HK3: variants seen among roughly 807,000 people sequenced by gnomAD.
HK3 encodes hexokinase-3.
Under a neutral mutation model 91.0 loss-of-function variants are expected in HK3, and 93 were observed. The ratio of observed to expected loss-of-function variants is 1.02; its 90% confidence interval spans 0.86 to 1.21. The LOEUF (loss-of-function observed/expected upper bound fraction) is 1.21. HK3 is among the 50% of genes most tolerant of loss of function. The pLI is 0.00. For missense variants in HK3, 1,235 were observed against 1,247.4 expected (o/e 0.99, Z 0.15); for synonymous variants, 519 against 516.9 (o/e 1.00, Z -0.06).
intron 1 of HK3, among the ~76,000 whole-genome samples, chr5:176,897,249 C>T (rs1758929710): frequency 6.6e-6 from 1 of 152,172 alleles, no homozygotes; most frequent in Non-Finnish European, 1.5e-5. Flanking sequence ...TGGTCCTTTG[C>T]ACACTGTAAG....
chr5:176,882,277 C>T, intron 15 of HK3, 150 bp from the exon 16 acceptor site: 1 of 818,498 alleles, frequency 1.2e-6, no homozygotes. Flanking sequence ...CTTCTTCCTT[C>T]CCGACATCCC....
At chr5:176,883,040 C>T (rs1172867816) in intron 15 of HK3, among the ~76,000 whole-genome samples, 1 of 152,220 alleles carries the variant, frequency 6.6e-6, no homozygotes, top group Non-Finnish European at 1.5e-5. Context: ...TCAGGGCTTT[C>T]AAGTTCCACT....
At chr5:176,886,158 G>A (rs1758579018) in intron 13 of HK3, among the ~76,000 whole-genome samples, 1 of 152,002 alleles carries the variant, frequency 6.6e-6, no homozygotes, top group East Asian at 2.0e-4. Context: ...GAACACAGGA[G>A]GTGGAGGCTG....
At position 176,884,091 on chromosome 5, in the gene HK3, CA is replaced by C; in HGVS notation, c.1900del (p.Cys634AlafsTer7). On this transcript the variant is annotated frameshift_variant, in exon 14 of 19. Transcript: ENST00000292432. LOFTEE classifies it high-confidence loss of function. The surrounding 1 kb of genome is among the most constrained non-coding windows in gnomAD (Gnocchi z 4.1). ...NWTKGFKASDCEGQDVVSLLR... is the reference protein window; with the variant it reads ...NWTKGFKASDXEGQDVVSLLR... ...CAGACTCACGACATCTTGGCCCTCG[CA>C]GTCTGATGCCTTGAAACCCTTGGTC... 6.2e-7 allele frequency: 1 copy of C among 1,614,166 alleles called. No individual in the cohort carries two copies. The highest frequency in any genetic ancestry group is 1.1e-5 in the South Asian group (1 of 91,084).
In HK3 at chr5:176,891,145, T is replaced by C. The variant is rs1758761003; in HGVS notation, c.306A>G (p.Ser102=). The C allele has an allele frequency of 1.2e-6, 2 of 1,614,034 alleles. No homozygotes were observed. The highest frequency in any genetic ancestry group is 1.7e-6 in the Non-Finnish European group (2 of 1,180,048). Residue 102 remains serine (S), a synonymous_variant, in exon 4 of 19, where the codon TCA becomes TCG. Transcript: ENST00000292432. ...VVLELGATGA[S]LRVLWVTLTG... is the part of the protein sequence containing the mutation. ...TTAGAGTCACCCACAAAACACGCAGTGAGGCCCCTGTGGCCCCCAGCTCCA... is the reference window on the plus strand; with the variant it reads ...TTAGAGTCACCCACAAAACACGCAGCGAGGCCCCTGTGGCCCCCAGCTCCA...
Position 176,890,894 on chromosome 5 carries a change from C to G in HK3, c.462G>C (p.Gln154His). Reference protein sequence around the residue: ...AHCLSEFLDAQPVNKQGLQLG... With the variant: ...AHCLSEFLDAHPVNKQGLQLG... The stretch of plus-strand genomic sequence containing the variant: ...GCTGCAGACCCTGTTTGTTCACAGG[C>G]TGCGCATCCAGGAACTCAGACAGGC... Residue 154 changes from glutamine (Q) to histidine (H), a missense_variant, in exon 5 of 19, where the codon CAG becomes CAC. By Grantham distance (24) the Gln-to-His change is conservative. Around this residue, in one of 3 missense-constraint regions of HK3, gnomAD observed 717 missense variants for 751.6 expected, o/e 0.95. Coordinates refer to ENST00000292432, the MANE Select transcript of HK3 (RefSeq NM_002115.3). The G allele has an allele frequency of 1.9e-6, 3 of 1,614,056 alleles. No homozygotes were observed. Among genetic ancestry groups the G allele is most frequent in the Non-Finnish European group, 2.5e-6 (3 of 1,180,038 alleles).
chr5:176,895,733 CTG>C (rs1189788609), intron 2 of HK3, among the ~76,000 whole-genome samples: 6 of 152,194 alleles, frequency 3.9e-5, no homozygotes, highest in Admixed American at 2.0e-4. Flanking sequence ...CCACTCTAGA[CTG>C]TGTCACCCAC....
At position 176,881,125 on chromosome 5, in the gene HK3, G is replaced by A. The variant is rs749424706; in HGVS notation, c.2720C>T (p.Ala907Val). ...GCAGGCAACAGCGGTGACCAGGGCCGCACCTTTGCCGGACCCATCCTCTGA... is the reference window on the plus strand; with the variant it reads ...GCAGGCAACAGCGGTGACCAGGGCCACACCTTTGCCGGACCCATCCTCTGA... ...LQSEDGSGKGAALVTAVACRL... is the reference protein window; with the variant it reads ...LQSEDGSGKGVALVTAVACRL... Residue 907 changes from alanine (A) to valine (V), a missense_variant, in exon 19 of 19, where the codon GCG (alanine) becomes GTG (valine). Coordinates refer to ENST00000292432, the MANE Select transcript of HK3 (RefSeq NM_002115.3). The A allele has an allele frequency of 5.6e-6, 9 of 1,612,792 alleles. No homozygotes were observed. The highest frequency in any genetic ancestry group is 7.6e-6 in the Non-Finnish European group (9 of 1,179,842).
At position 176,890,607 on chromosome 5, in the gene HK3, C is replaced by T; in HGVS notation, c.630+28G>A. ...GCCAGGCCCAGGCCAACATGGGCAG[C>T]CCTCCTGTCACCCCTCCCTCCACTC... On this transcript the variant is annotated intron_variant, in intron 6 of 18. Coordinates refer to ENST00000292432, the MANE Select transcript of HK3 (RefSeq NM_002115.3). The T allele has an allele frequency of 1.9e-6, 3 of 1,600,612 alleles. 1 individual carries two copies. The highest frequency in any genetic ancestry group is 2.2e-5 in the South Asian group (2 of 90,768).
In HK3 at chr5:176,886,232, C is replaced by CA. The variant is rs796751043; in HGVS notation, c.1857+769dup. 2.7e-4 allele frequency among the ~76,000 whole-genome samples: 38 copies of CA among 140,426 alleles called. No individual in the cohort carries two copies. In the South Asian group the frequency reaches 2.7e-3, roughly 10 times the overall value. 92.1% of individuals were successfully genotyped at this position (140,426 alleles called of 152,430 possible). On this transcript the variant is annotated intron_variant, in intron 13 of 18. Transcript: ENST00000292432. ...TGGGCGACAGAGTGAGACTTCATCTCAAAAAAAAAAATGAGTTGCATATCA... is the reference window on the plus strand; with the variant it reads ...TGGGCGACAGAGTGAGACTTCATCTCAAAAAAAAAAAATGAGTTGCATATCA...
intron 2 of HK3, among the ~76,000 whole-genome samples, chr5:176,893,202 G>A (rs1758821867): frequency 6.6e-6 from 1 of 152,146 alleles, no homozygotes; most frequent in African/African-American, 2.4e-5. Flanking sequence ...CCAAGCAGCT[G>A]TGAAGGGGCA....
rs779019958 is a variant in HK3 at position 176,891,108 on chromosome 5, C to T, written c.343G>A (p.Gly115Arg). 6.2e-6 allele frequency: 10 copies of T among 1,614,132 alleles called. No homozygotes were observed. In the East Asian group the frequency reaches 6.7e-5, roughly 11 times the overall value. Residue 115 changes from glycine (G) to arginine (R), a missense_variant, in exon 4 of 19, where the codon GGG (glycine) becomes AGG (arginine). Coordinates refer to ENST00000292432, the MANE Select transcript of HK3 (RefSeq NM_002115.3). ...VLWVTLTGIE[G>R]HRVEPRSQEF... ...TGGCTTCTGGGCTCCACCCTATGCC[C>T]CTCAATGCCAGTTAGAGTCACCCAC... is the stretch of plus-strand genomic sequence containing the variant.
rs1252403668 is a variant in HK3 at position 176,884,359 on chromosome 5, T to G, written c.1858-225A>C. On this transcript the variant is annotated intron_variant, in intron 13 of 18. Transcript: ENST00000292432. The surrounding 1 kb of genome is among the most constrained non-coding windows in gnomAD (Gnocchi z 4.1). Reference sequence around the variant, plus strand: ...CTATTAATAACCATCTAACCTACATTTTCCATTATTAGTTCCAGACAGTCA... The same window carrying G: ...CTATTAATAACCATCTAACCTACATGTTCCATTATTAGTTCCAGACAGTCA... 6.6e-6 allele frequency among the ~76,000 whole-genome samples: 1 copy of G among 152,202 alleles called. No individual in the cohort carries two copies. Among genetic ancestry groups the G allele is most frequent in the Non-Finnish European group, 1.5e-5 (1 of 68,042 alleles).
chr5:176,881,879 C>T (rs763638274), intron 16 of HK3, 32 bp from the exon 17 acceptor site: 7 of 1,612,034 alleles, frequency 4.3e-6, no homozygotes, highest in East Asian at 2.2e-5. Context: ...CGGCAGAAGG[C>T]CCCACCAGCC....
chr5:176,886,243 AT>A (rs1758581206), intron 13 of HK3, among the ~76,000 whole-genome samples: 1 of 151,968 alleles, frequency 6.6e-6, no homozygotes, highest in Non-Finnish European at 1.5e-5. Flanking sequence ...AAAAAAAAAA[AT>A]GAGTTGCATA....
Position 176,887,027 on chromosome 5 carries a change from G to T in HK3, c.1832C>A (p.Pro611Gln). 6.2e-7 allele frequency: 1 copy of T among 1,614,150 alleles called. No individual in the cohort carries two copies. ...CTGGTCTAGGCCAAGCTGCCTACATGGGAAGGAGAAGGTAAAACCCAGTGG... is the reference window on the plus strand; with the variant it reads ...CTGGTCTAGGCCAAGCTGCCTACATTGGAAGGAGAAGGTAAAACCCAGTGG... ...SLPLGFTFSF[P>Q]CRQLGLDQGI... The change falls in exon 13 of 19, where the codon CCA (proline) becomes CAA (glutamine). Residue 611 changes from proline (P) to glutamine (Q), a missense_variant. This residue lies in a region of HK3 where 513 missense variants were observed against 477.4 expected (regional missense o/e 1.07). Coordinates refer to ENST00000292432, the MANE Select transcript of HK3 (RefSeq NM_002115.3). This position sits in a 1 kb window ranked among gnomAD's most constrained non-coding sequence, Gnocchi z 4.9.
intron 13 of HK3, 115 bp downstream of exon 13, chr5:176,886,887 C>G (rs1161284589): frequency 2.4e-6 from 3 of 1,249,904 alleles, no homozygotes; most frequent in Non-Finnish European, 3.3e-6. Context: ...GCTGCCACCA[C>G]CACCAACCCC....
At chr5:176,891,302 G>A (rs1464862763) in intron 3 of HK3, 86 bp downstream of exon 3, 2 of 1,605,080 alleles carry the variant, frequency 1.2e-6, no homozygotes, top group South Asian at 1.1e-5. Flanking sequence ...CCATAGAGAT[G>A]GGGGACAGGA....
Position 176,881,108 on chromosome 5 carries a change from C to CA in HK3, c.2736dup (p.Val913CysfsTer18). 3 of 1,612,132 alleles carry CA rather than the reference C, an allele frequency of 1.9e-6. No homozygotes were observed. Among genetic ancestry groups the CA allele is most frequent in the Non-Finnish European group, 2.5e-6 (3 of 1,179,616 alleles). ...GTCAACTGCGCAAGGCGGCAGGCAA[C>CA]AGCGGTGACCAGGGCCGCACCTTTG... is the stretch of plus-strand genomic sequence containing the variant. On this transcript the variant is annotated frameshift_variant, in exon 19 of 19. Coordinates refer to ENST00000292432, the MANE Select transcript of HK3 (RefSeq NM_002115.3). LOFTEE classifies it high-confidence loss of function.
Sources: allele counts gnomAD v4.1 joint callset (sites outside exome capture counted in the v4.1 genomes callset), GRCh38; gene constraint gnomAD v4.1.1; regional missense constraint gnomAD v4.1.1; non-coding constraint Gnocchi (gnomAD v3.1); transcripts MANE v1.5; gene names NCBI Gene and HGNC (gene_info 2026-07-23, HGNC 2026-07-21).